GPM6A: variants seen among roughly 807,000 people sequenced by gnomAD.
GPM6A encodes neuronal membrane glycoprotein M6-a.
In GPM6A, 7 loss-of-function variants were observed where a neutral mutation model predicts 32.1. The ratio of observed to expected loss-of-function variants is 0.22; its 90% CI spans 0.12 to 0.41. The LOEUF (loss-of-function observed/expected upper bound fraction) is 0.41, where lower values mean the gene tolerates loss of function less well. Among genes scored for constraint, GPM6A ranks in the 10% least tolerant of loss-of-function variants. The pLI, the probability that GPM6A is intolerant of heterozygous loss-of-function variation, is 1.00. For synonymous variants in GPM6A, 130 were observed against 123.4 expected, an observed-to-expected ratio of 1.05 and a Z score of -0.35; for missense variants, 235 against 347.2, an observed-to-expected ratio of 0.68 and a Z score of 2.57.
At chr4:175,973,180 G>T (rs1023316636) in intron 1 of GPM6A, among the ~76,000 whole-genome samples, 1 of 152,152 alleles carries the variant, frequency 6.6e-6, no homozygotes, top group Non-Finnish European at 1.5e-5. Flanking sequence ...AGATAATATC[G>T]TGAATATTGA....
At chr4:175,683,086 C>T (rs1300103168) in intron 2 of GPM6A, among the ~76,000 whole-genome samples, 1 of 152,134 alleles carries the variant, frequency 6.6e-6, no homozygotes, top group Non-Finnish European at 1.5e-5. Flanking sequence ...GGAGTTAAAC[C>T]CTGCAAAGTC....
intron 1 of GPM6A, among the ~76,000 whole-genome samples, chr4:175,798,189 A>G (rs897224762): frequency 2.6e-5 from 4 of 152,238 alleles, no homozygotes; most frequent in African/African-American, 9.6e-5. Flanking sequence ...ATTCATTGCA[A>G]AGTAAAGTTA....
intron 1 of GPM6A, among the ~76,000 whole-genome samples, chr4:175,773,219 C>T (rs1733260048): frequency 6.6e-6 from 1 of 152,182 alleles, no homozygotes; most frequent in Non-Finnish European, 1.5e-5. Flanking sequence ...TGTGAGGCTT[C>T]TTAATTACTA....
chr4:176,002,163 G>T, intron 1 of GPM6A: 1 of 907,024 alleles, frequency 1.1e-6, no homozygotes, highest in South Asian at 1.4e-5. Context: ...AGACAAGAGG[G>T]CGGGGGGCGG....
intron 1 of GPM6A, among the ~76,000 whole-genome samples, chr4:175,731,278 T>C (rs2644002): frequency 0.086 from 13,074 of 152,124 alleles, 872 homozygotes; most frequent in East Asian, 0.29. Flanking sequence ...TCCTCCCTGA[T>C]GCACAGCCGG....
At chr4:175,656,102 T>C (rs1045476272) in intron 3 of GPM6A, among the ~76,000 whole-genome samples, 4 of 152,098 alleles carry the variant, frequency 2.6e-5, no homozygotes, top group African/African-American at 9.7e-5. Context: ...CTCATTGGCC[T>C]TTCTCATTTT....
chr4:175,844,100 C>A (rs903162411), intron 1 of GPM6A, among the ~76,000 whole-genome samples: 2 of 152,158 alleles, frequency 1.3e-5, no homozygotes, highest in African/African-American at 4.8e-5. Context: ...CTGTAAATCC[C>A]AAGTTCTCTT....
chr4:175,669,789 T>A (rs959992644), intron 3 of GPM6A, among the ~76,000 whole-genome samples: 2 of 152,036 alleles, frequency 1.3e-5, no homozygotes, highest in Non-Finnish European at 2.9e-5. Context: ...AAGTAAAAAA[T>A]TAGGTCACTA....
chr4:175,753,835 C>G (rs1345125797), intron 1 of GPM6A, among the ~76,000 whole-genome samples: 2 of 151,868 alleles, frequency 1.3e-5, no homozygotes, highest in East Asian at 3.9e-4. Flanking sequence ...TGTTAATGTC[C>G]AACAATTTGA....
At chr4:175,759,934 C>T (rs2111206628) in intron 1 of GPM6A, among the ~76,000 whole-genome samples, 1 of 152,260 alleles carries the variant, frequency 6.6e-6, no homozygotes, top group South Asian at 2.1e-4. Flanking sequence ...AATCCTAGCA[C>T]TTTGGGAAGC....
At chr4:175,846,024 C>T (rs1736075624) in intron 1 of GPM6A, among the ~76,000 whole-genome samples, 1 of 152,016 alleles carries the variant, frequency 6.6e-6, no homozygotes, top group Non-Finnish European at 1.5e-5. Context: ...TTCACTTTTC[C>T]AAATATTAGT....
At chr4:175,926,338 C>A (rs780529550) in intron 1 of GPM6A, among the ~76,000 whole-genome samples, 2 of 152,040 alleles carry the variant, frequency 1.3e-5, no homozygotes, top group African/African-American at 2.4e-5. Context: ...CAGAAAAACA[C>A]GCATAAGATC....
At chr4:175,663,313 GATAA>G (rs1742539567) in intron 3 of GPM6A, among the ~76,000 whole-genome samples, 1 of 152,152 alleles carries the variant, frequency 6.6e-6, no homozygotes, top group Non-Finnish European at 1.5e-5. Context: ...TAGGTGAATG[GATAA>G]ATAAACCTTG....
intron 1 of GPM6A, among the ~76,000 whole-genome samples, chr4:175,914,168 G>A (rs981784670): frequency 3.3e-5 from 5 of 151,956 alleles, no homozygotes; most frequent in African/African-American, 9.7e-5. Context: ...GTGTGGGGGG[G>A]GTAGGGATAT....
intron 2 of GPM6A, among the ~76,000 whole-genome samples, chr4:175,692,189 G>A (rs1410651443): frequency 1.3e-5 from 2 of 152,106 alleles, no homozygotes; most frequent in African/African-American, 2.4e-5. Flanking sequence ...ATTAAAAACA[G>A]CATGGCAATA....
Position 175,673,741 on chromosome 4 carries a change from G to A in GPM6A, c.326C>T (p.Ala109Val). 6.2e-7 allele frequency: 1 copy of A among 1,612,506 alleles called. No homozygotes were observed. ...LMVEGFFTTG[A>V]IKDLYGDFKI... ...GAAATCCCCATAGAGATCTTTGATG[G>A]CCCCAGTTGTGAAGAAACCTTCCAC... Residue 109 changes from alanine to valine, a missense_variant, in exon 3 of 7, where the codon GCC (alanine) becomes GTC (valine). This residue lies in a region of GPM6A where 101 missense variants were observed against 171.2 expected (regional missense o/e 0.59). Transcript: ENST00000393658.
chr4:175,843,819 C>T lies in GPM6A; in HGVS notation c.-22-31570G>A, dbSNP rs114336007. The stretch of plus-strand genomic sequence containing the variant: ...GACTGGATACAGTCATGACTAATGA[C>T]GACTCCCTTCTTGATAAAAATTTAG... On this transcript the variant is annotated intron_variant, in intron 1 of 7. Transcript: ENST00000280187. Among the ~76,000 whole-genome samples, 758 of 152,246 alleles carry T rather than the reference C, an allele frequency of 5.0e-3. 10 individuals are homozygous for T. The highest frequency in any genetic ancestry group is 0.017 in the African/African-American group (705 of 41,534).
chr4:175,833,841 G>A (rs777264935), intron 1 of GPM6A, among the ~76,000 whole-genome samples: 1 of 152,066 alleles, frequency 6.6e-6, no homozygotes, highest in African/African-American at 2.4e-5. Context: ...GTCTGAGAGA[G>A]AAGAGAGCAG....
chr4:175,953,374 G>A (rs1477012224), intron 1 of GPM6A, among the ~76,000 whole-genome samples: 2 of 152,124 alleles, frequency 1.3e-5, no homozygotes, highest in Non-Finnish European at 2.9e-5. Flanking sequence ...AATAGCATTT[G>A]CAGACCTAAA....
Sources: gnomAD v4.1 joint callset for allele counts (sites outside exome capture counted in the v4.1 genomes callset) on GRCh38, gnomAD v4.1.1 for gene constraint, gnomAD v4.1.1 regional missense constraint, MANE v1.5 for transcripts, NCBI Gene and HGNC (gene_info 2026-07-23, HGNC 2026-07-21) for gene names.